Variants in SDK1 observed in about 807,000 individuals in gnomAD.
SDK1 encodes protein sidekick-1.
In SDK1, 157 loss-of-function variants were observed where a neutral mutation model predicts 245.5. The observed-to-expected ratio is 0.64, with a 90% CI of 0.56 to 0.73. The LOEUF (loss-of-function observed/expected upper bound fraction) is 0.73. SDK1 is among the 30% of genes least tolerant of loss of function. The pLI, the probability that SDK1 is intolerant of heterozygous loss-of-function variation, is 0.00. For missense variants in SDK1, 3,583 were observed against 3,002.3 expected, an observed-to-expected ratio of 1.19 and a Z score of -4.52; for synonymous variants, 1,647 against 1,278.5, an observed-to-expected ratio of 1.29 and a Z score of -6.15.
At chr7:3,544,614 C>T (rs372502278) in intron 1 of SDK1, among the ~76,000 whole-genome samples, 41 of 152,334 alleles carry the variant, frequency 2.7e-4, no homozygotes, top group East Asian at 2.5e-3. Context: ...ACATGAACGT[C>T]GACAGCTCAT....
intron 1 of SDK1, among the ~76,000 whole-genome samples, chr7:3,422,029 G>A (rs562945981): frequency 6.6e-6 from 1 of 152,192 alleles, no homozygotes; most frequent in African/African-American, 2.4e-5. Flanking sequence ...CAGACCGGAT[G>A]GTTCTCAAAA....
intron 12 of SDK1, among the ~76,000 whole-genome samples, chr7:3,973,151 G>A (rs1404869364): frequency 1.3e-5 from 2 of 152,164 alleles, no homozygotes; most frequent in Non-Finnish European, 2.9e-5. Context: ...TCCCAGGGTT[G>A]CTCTGCCCTG....
At chr7:3,523,446 G>C (rs1409110890) in intron 1 of SDK1, among the ~76,000 whole-genome samples, 3 of 152,092 alleles carry the variant, frequency 2.0e-5, no homozygotes, top group East Asian at 1.9e-4. Context: ...CACAGGGTAA[G>C]TTACCACTGA....
At chr7:3,521,488 G>A (rs372831250) in intron 1 of SDK1, among the ~76,000 whole-genome samples, 3 of 152,246 alleles carry the variant, frequency 2.0e-5, no homozygotes, top group East Asian at 3.9e-4. Context: ...GACCATAAGC[G>A]TCATAGTCCT....
chr7:3,713,787 T>C (rs1012674439), intron 4 of SDK1, among the ~76,000 whole-genome samples: 3 of 152,232 alleles, frequency 2.0e-5, no homozygotes, highest in Admixed American at 6.5e-5. Flanking sequence ...ATTAAATACA[T>C]GTGATTTGCT....
At chr7:3,358,934 C>A (rs1780879746) in intron 1 of SDK1, among the ~76,000 whole-genome samples, 1 of 152,124 alleles carries the variant, frequency 6.6e-6, no homozygotes, top group Non-Finnish European at 1.5e-5. Context: ...TGGTTTAGAA[C>A]ATTGGTGCAG....
intron 1 of SDK1, among the ~76,000 whole-genome samples, chr7:3,473,888 C>G (rs1277752933): frequency 6.6e-6 from 1 of 151,904 alleles, no homozygotes; most frequent in Non-Finnish European, 1.5e-5. Context: ...ATGTTCCTAG[C>G]TACCACAGCA....
chr7:3,949,274 T>G (rs1225603868), intron 5 of SDK1, among the ~76,000 whole-genome samples: 2 of 152,312 alleles, frequency 1.3e-5, no homozygotes, highest in Middle Eastern at 3.4e-3. Flanking sequence ...TTTAAAACAT[T>G]CATTACTTGG....
At position 4,207,735 on chromosome 7, in the gene SDK1, C is replaced by T. The variant is rs535350528; in HGVS notation, c.5215-364C>T. Among the ~76,000 whole-genome samples the T allele has an allele frequency of 2.0e-4, 30 of 152,176 alleles. No individual in the cohort carries two copies. In the East Asian group the frequency reaches 5.6e-3, roughly 28 times the overall value. On this transcript the variant is annotated intron_variant, in intron 36 of 44. Transcript: ENST00000404826. ...AGGGAGAGGCCAAAAATCAAAACAC[C>T]AACAGAGCTAGGTCTGCAAGGAAAG...
intron 1 of SDK1, among the ~76,000 whole-genome samples, chr7:3,540,901 A>G (rs770331912): frequency 1.2e-4 from 18 of 152,234 alleles, no homozygotes; most frequent in Middle Eastern, 3.2e-3. Context: ...TATCTTCACC[A>G]TGATAGGGTG....
intron 42 of SDK1, among the ~76,000 whole-genome samples, chr7:4,238,299 C>T (rs1370639472): frequency 6.6e-6 from 1 of 151,870 alleles, no homozygotes; most frequent in Non-Finnish European, 1.5e-5. Context: ...AGGCTGGTCT[C>T]GAAATCCTGA....
chr7:3,543,439 G>T (rs1779112276), intron 1 of SDK1, among the ~76,000 whole-genome samples: 3 of 152,244 alleles, frequency 2.0e-5, no homozygotes, highest in African/African-American at 7.2e-5. Flanking sequence ...ACCAAATGGA[G>T]CACTGGTAGA....
At chr7:3,373,646 T>TC (rs894401258) in intron 1 of SDK1, among the ~76,000 whole-genome samples, 3 of 151,932 alleles carry the variant, frequency 2.0e-5, no homozygotes, top group Non-Finnish European at 4.4e-5. Flanking sequence ...CTTTTTTTTT[T>TC]TGGATGTGCG....
chr7:4,053,576 C>T (rs943748971), intron 19 of SDK1, among the ~76,000 whole-genome samples: 2 of 152,124 alleles, frequency 1.3e-5, no homozygotes, highest in African/African-American at 4.8e-5. Context: ...GGGATGGCTC[C>T]CCACTCCCTT....
intron 14 of SDK1, among the ~76,000 whole-genome samples, chr7:4,000,389 G>C (rs1784984215): frequency 6.6e-6 from 1 of 152,152 alleles, no homozygotes; most frequent in Non-Finnish European, 1.5e-5. Flanking sequence ...TTTGTCAGCT[G>C]CTGGGCCAAG....
At position 3,951,719 on chromosome 7, in the gene SDK1, C is replaced by T. The variant is rs764024583; in HGVS notation, c.960-11C>T. On this transcript the variant is annotated splice_polypyrimidine_tract_variant and intron_variant, in intron 6 of 44. Coordinates refer to ENST00000404826, the MANE Select transcript of SDK1 (RefSeq NM_152744.4). ...CACAATCGTCGTCATGAATGCCTTT[C>T]ATTCCCACAGGCCTGTGGAGGACCT... 11 of 1,611,276 alleles carry T rather than the reference C, an allele frequency of 6.8e-6. No individual in the cohort carries two copies. The South Asian group carries it at 1.1e-4, about 16-fold the overall frequency.
chr7:3,415,430 A>G (rs1779335184), intron 1 of SDK1, among the ~76,000 whole-genome samples: 2 of 152,114 alleles, frequency 1.3e-5, no homozygotes, highest in South Asian at 2.1e-4. Flanking sequence ...ATAAAAAACA[A>G]TGAGAGGTAG....
At chr7:3,955,535 C>T (rs1013804135) in intron 7 of SDK1, among the ~76,000 whole-genome samples, 1 of 152,178 alleles carries the variant, frequency 6.6e-6, no homozygotes, top group Non-Finnish European at 1.5e-5. Context: ...GGTGTGGACA[C>T]CTCCGGGAGC....
chr7:3,831,173 A>G (rs1290723004), intron 5 of SDK1, among the ~76,000 whole-genome samples: 1 of 152,208 alleles, frequency 6.6e-6, no homozygotes, highest in Non-Finnish European at 1.5e-5. Context: ...AATCCTAAGC[A>G]AAGTGATGGT....
Sources: gnomAD v4.1 joint callset for allele counts (sites outside exome capture counted in the v4.1 genomes callset) on GRCh38, gnomAD v4.1.1 for gene constraint, MANE v1.5 for transcripts, NCBI Gene and HGNC (gene_info 2026-07-23, HGNC 2026-07-21) for gene names.